Variants in SLC11A2 observed in about 807,000 individuals in gnomAD.
SLC11A2 encodes the protein solute carrier family 11 member 2.
Under a neutral mutation model 68.0 loss-of-function variants are expected in SLC11A2, and 38 were observed. The observed-to-expected ratio is 0.56, with a 90% confidence interval of 0.43 to 0.73. The LOEUF (loss-of-function observed/expected upper bound fraction) is 0.73, where lower values mean the gene tolerates loss of function less well. SLC11A2 is among the 30% of genes least tolerant of loss of function. The probability of loss-of-function intolerance (pLI) is 0.00; values close to 1 mark genes in which losing one functional copy is unlikely to be tolerated. For synonymous variants in SLC11A2, 242 were observed against 250.6 expected (o/e 0.97, Z 0.32); for missense variants, 517 against 690.5 (o/e 0.75, Z 2.82).
intron 1 of SLC11A2, among the ~76,000 whole-genome samples, chr12:51,023,132 T>C (rs889038085): frequency 6.6e-6 from 1 of 152,220 alleles, no homozygotes; most frequent in Non-Finnish European, 1.5e-5. Flanking sequence ...GCTCCATAAA[T>C]ATTTGTTAAA....
At chr12:50,972,378 C>T in the SLC11A2 span, among the ~76,000 whole-genome samples, 6 of 152,188 alleles carry the variant, frequency 3.9e-5, no homozygotes, top group African/African-American at 1.4e-4. Context: ...AGTATCTATG[C>T]ATGAGAACCT....
chr12:51,019,021 G>A (rs1396801092), intron 1 of SLC11A2, among the ~76,000 whole-genome samples: 1 of 151,924 alleles, frequency 6.6e-6, no homozygotes, highest in Non-Finnish European at 1.5e-5. Flanking sequence ...AACTTTCATA[G>A]AAGCAGCCAG....
chr12:51,026,392 GCCCTC>G, upstream of SLC11A2: 2 of 1,269,228 alleles, frequency 1.6e-6, no homozygotes, highest in Non-Finnish European at 1.0e-6. Flanking sequence ...GCTGGCTAAC[GCCCTC>G]CCCTCCCCGC....
chr12:51,020,118 C>A (rs1033729926), intron 1 of SLC11A2, among the ~76,000 whole-genome samples: 1 of 151,504 alleles, frequency 6.6e-6, no homozygotes, highest in South Asian at 2.1e-4. Flanking sequence ...TTCTAGCCTC[C>A]CAGGCTACAG....
chr12:50,996,990 A>G lies in SLC11A2; in HGVS notation c.676-18T>C, dbSNP rs373540740. 4.3e-6 allele frequency: 7 copies of G among 1,611,694 alleles called. No homozygotes were observed. In the East Asian group the frequency reaches 6.7e-5, roughly 15 times the overall value. On this transcript the variant is annotated intron_variant, in intron 8 of 15. Transcript: ENST00000262052. ...GTAACATACTACATACCAACATAACAATGATTAGCCTTTACAGGAACGTGA... is the reference window on the plus strand; with the variant it reads ...GTAACATACTACATACCAACATAACGATGATTAGCCTTTACAGGAACGTGA...
chr12:50,988,177 T>C lies in SLC11A2; in HGVS notation c.*148A>G, dbSNP rs747728769. On this transcript the variant is annotated 3_prime_UTR_variant, in exon 16 of 16. Coordinates refer to ENST00000262052, the MANE Select transcript of SLC11A2 (RefSeq NM_000617.3). ...GGAAAAAATAATTCCATCTTTCAAA[T>C]ACACATGAAACAAAGTCTTTTCCAA... The C allele has an allele frequency of 3.9e-6, 6 of 1,539,370 alleles. 1 individual carries two copies. The South Asian group carries it at 7.2e-5, about 18-fold the overall frequency.
upstream of SLC11A2, chr12:51,028,252 A>T: frequency 6.5e-7 from 1 of 1,528,912 alleles, no homozygotes; most frequent in Non-Finnish European, 8.8e-7. Context: ...GACTTTCCCA[A>T]TGCCAGCTCC....
the SLC11A2 span, among the ~76,000 whole-genome samples, chr12:50,958,635 A>G: frequency 6.6e-6 from 1 of 152,100 alleles, no homozygotes; most frequent in Non-Finnish European, 1.5e-5. Flanking sequence ...TCTGGCTGAT[A>G]TTAAGGCTTA....
At chr12:51,008,691 G>C (rs1317473179) in intron 2 of SLC11A2, 67 bp from the exon 3 acceptor site, 6 of 1,280,560 alleles carry the variant, frequency 4.7e-6, no homozygotes, top group South Asian at 3.6e-5. Flanking sequence ...TTCATCCTTA[G>C]TATACTGAAA....
chr12:51,015,293 T>G (rs944529816), intron 1 of SLC11A2, among the ~76,000 whole-genome samples: 23 of 151,208 alleles, frequency 1.5e-4, no homozygotes, highest in Non-Finnish European at 2.4e-4. Flanking sequence ...CTGACCAACA[T>G]GGAGAAACCC....
intron 6 of SLC11A2, 101 bp from the exon 7 acceptor site, chr12:50,999,516 G>A: frequency 1.0e-6 from 1 of 993,810 alleles, no homozygotes; most frequent in Non-Finnish European, 1.6e-6. Context: ...AACACTTGGA[G>A]AAGCTAGGAC....
At position 50,987,967 on chromosome 12, in the gene SLC11A2, T is replaced by C. The variant is rs2285230; in HGVS notation, c.*358A>G. On this transcript the variant is annotated 3_prime_UTR_variant, in exon 16 of 16. Coordinates refer to ENST00000262052, the MANE Select transcript of SLC11A2 (RefSeq NM_000617.3). ...TGTAGTTTGTATAATAAAAAATGTATTGCATTTTCCAATTTTTTTTTAACA... is the reference window on the plus strand; with the variant it reads ...TGTAGTTTGTATAATAAAAAATGTACTGCATTTTCCAATTTTTTTTTAACA... 242,206 of 1,294,320 alleles carry C rather than the reference T, an allele frequency of 0.19. 23,821 individuals are homozygous for C. Among genetic ancestry groups the C allele is most frequent in the South Asian group, 0.28 (22,274 of 80,724 alleles). 80.2% of individuals were successfully genotyped at this position (1,294,320 alleles called of 1,614,324 possible).
downstream of SLC11A2, among the ~76,000 whole-genome samples, chr12:50,985,662 T>C (rs1940469724): frequency 6.6e-6 from 1 of 152,218 alleles, no homozygotes; most frequent in Non-Finnish European, 1.5e-5. Flanking sequence ...TGAAATAAGC[T>C]ACAGGTAGAA....
the SLC11A2 span, among the ~76,000 whole-genome samples, chr12:50,960,430 T>C: frequency 2.0e-5 from 3 of 152,204 alleles, no homozygotes; most frequent in Admixed American, 6.5e-5. Flanking sequence ...CCTCAGGAAA[T>C]TACAAATGAC....
At chr12:50,967,222 C>T in the SLC11A2 span, among the ~76,000 whole-genome samples, 1 of 152,104 alleles carries the variant, frequency 6.6e-6, no homozygotes, top group Non-Finnish European at 1.5e-5. Context: ...CTCAAGATAT[C>T]CTCCTGCCTC....
At chr12:50,995,177 T>C in intron 10 of SLC11A2, 1 of 238,932 alleles carries the variant, frequency 4.2e-6, no homozygotes, top group Middle Eastern at 1.7e-3. Context: ...CTGGGTGTGG[T>C]GGCAGGCACC....
chr12:50,995,812 C>A, intron 9 of SLC11A2, 25 bp from the exon 10 acceptor site: 2 of 1,612,042 alleles, frequency 1.2e-6, no homozygotes, highest in Non-Finnish European at 1.7e-6. Flanking sequence ...ACAGCAGTCA[C>A]TTTTTGACCA....
In SLC11A2 at chr12:50,991,604, A is replaced by T; in HGVS notation, c.1416T>A (p.Asn472Lys). ...SLRPVMSDFA[N>K]GLGWRIAGGI... Reference sequence around the variant, plus strand: ...ACGAAGAGGAGTACACTCACAGTCCATTGGCAAAGTCACTCATTACTGGCC... The same window carrying T: ...ACGAAGAGGAGTACACTCACAGTCCTTTGGCAAAGTCACTCATTACTGGCC... The change falls in exon 14 of 16, where the codon AAT becomes AAA. Residue 472 changes from asparagine to lysine, a missense_variant. Physicochemically the swap from Asn to Lys is moderately conservative, Grantham distance 94. Transcript: ENST00000262052. 1 of 1,613,676 alleles carries T rather than the reference A, an allele frequency of 6.2e-7. No individual in the cohort carries two copies. Among genetic ancestry groups the T allele is most frequent in the Non-Finnish European group, 8.5e-7 (1 of 1,179,730 alleles).
intron 8 of SLC11A2, among the ~76,000 whole-genome samples, chr12:50,997,935 A>G (rs1366111191): frequency 6.6e-6 from 1 of 150,974 alleles, no homozygotes; most frequent in East Asian, 2.0e-4. Context: ...TGCAGTGAGC[A>G]GAGATCGCAC....
Sources: allele counts gnomAD v4.1 joint callset (sites outside exome capture counted in the v4.1 genomes callset), GRCh38; gene constraint gnomAD v4.1.1; transcripts MANE v1.5; gene names NCBI Gene and HGNC (gene_info 2026-07-23, HGNC 2026-07-21).